The following IFT122 variants were observed in gnomAD, a reference collection of about 807,000 sequenced individuals.
IFT122 encodes intraflagellar transport protein 122 homolog.
A neutral mutation model predicts 161.6 loss-of-function variants in IFT122; 118 were observed. The ratio of observed to expected loss-of-function variants is 0.73; its 90% confidence interval spans 0.63 to 0.85. The LOEUF is 0.85. Ranked by LOEUF, IFT122 falls within the 40% of genes least tolerant of loss-of-function variation. The pLI is 0.00. For missense variants in IFT122, 1,381 were observed against 1,579.6 expected, an observed-to-expected ratio of 0.87 and a Z score of 2.13; for synonymous variants, 550 against 602.4, an observed-to-expected ratio of 0.91 and a Z score of 1.27.
chr3:129,465,465 CTTT>C lies in IFT122; in HGVS notation c.563+705_563+707del, dbSNP rs61439083. Among the ~76,000 whole-genome samples the C allele has an allele frequency of 5.9e-3, 600 of 101,166 alleles. 5 individuals carry two copies. Among genetic ancestry groups the C allele is most frequent in the South Asian group, 0.025 (75 of 3,030 alleles). 66.4% of individuals were successfully genotyped at this position (101,166 alleles called of 152,430 possible). A position where few individuals can be genotyped will look rare whatever the true frequency, so the allele number is the denominator to read the frequency against. On this transcript the variant is annotated intron_variant, in intron 7 of 29. Coordinates refer to ENST00000348417, the MANE Select transcript of IFT122 (RefSeq NM_052989.3). ...TTTGAGAGTAAACTAATTATATGCT[CTTT>C]TTTTTTTTTTTTTTTTTTTTGAGAT...
chr3:129,506,032 G>A lies in IFT122; in HGVS notation c.2651-377G>A, dbSNP rs556299164. 1.3e-3 allele frequency among the ~76,000 whole-genome samples: 205 copies of A among 152,294 alleles called. 2 individuals are homozygous for A. Among genetic ancestry groups the A allele is most frequent in the African/African-American group, 4.7e-3 (196 of 41,570 alleles). On this transcript the variant is annotated intron_variant, in intron 21 of 29. Coordinates refer to ENST00000348417, the MANE Select transcript of IFT122 (RefSeq NM_052989.3). ...TACCTCCAAGTGCAGTAAAGTGGCAGGTCCTGTTTCTATCACCTTAGGAGT... is the reference window on the plus strand; with the variant it reads ...TACCTCCAAGTGCAGTAAAGTGGCAAGTCCTGTTTCTATCACCTTAGGAGT...
At chr3:129,514,682 G>T in intron 25 of IFT122, 128 bp downstream of exon 25, 3 of 1,094,312 alleles carry the variant, frequency 2.7e-6, no homozygotes, top group Non-Finnish European at 4.1e-6. Context: ...TGTGCCCCCT[G>T]CTCAAGCCTG....
At chr3:129,482,674 C>T (rs2078812716) in intron 14 of IFT122, among the ~76,000 whole-genome samples, 1 of 152,154 alleles carries the variant, frequency 6.6e-6, no homozygotes, top group Non-Finnish European at 1.5e-5. Context: ...AAAGAGAGGG[C>T]ATAGCCTTCA....
intron 1 of IFT122, among the ~76,000 whole-genome samples, chr3:129,443,636 A>G (rs1312280895): frequency 6.6e-6 from 1 of 152,240 alleles, no homozygotes; most frequent in Non-Finnish European, 1.5e-5. Context: ...TATGTAGAAC[A>G]TGGCCATTGC....
At chr3:129,456,682 T>C (rs1237689611) in intron 3 of IFT122, among the ~76,000 whole-genome samples, 1 of 151,822 alleles carries the variant, frequency 6.6e-6, no homozygotes, top group Non-Finnish European at 1.5e-5. Context: ...CACAGCACTT[T>C]GGAAGGCGGA....
chr3:129,467,564 A>C (rs1024427232), intron 8 of IFT122, among the ~76,000 whole-genome samples: 2 of 152,146 alleles, frequency 1.3e-5, no homozygotes, highest in South Asian at 2.1e-4. Context: ...CTGTTCCCAC[A>C]CTATCCCTTA....
chr3:129,476,419 C>T lies in IFT122; in HGVS notation c.921C>T (p.Phe307=). Residue 307 remains phenylalanine (F), a synonymous_variant, in exon 10 of 30, where the codon TTC becomes TTT. Coordinates refer to ENST00000348417, the MANE Select transcript of IFT122 (RefSeq NM_052989.3). ...LGGSDKQVSL[F]TKDGVRLGTV... is the part of the protein sequence containing the mutation. ...GTTCAGACAAGCAAGTATCTCTTTT[C>T]ACCAAGGATGGAGTGCGGCTTGGGA... 1.2e-6 allele frequency: 2 copies of T among 1,614,152 alleles called. No homozygotes were observed. The highest frequency in any genetic ancestry group is 8.5e-7 in the Non-Finnish European group (1 of 1,180,030).
At chr3:129,505,793 A>G (rs2082132959) in intron 21 of IFT122, among the ~76,000 whole-genome samples, 1 of 152,206 alleles carries the variant, frequency 6.6e-6, no homozygotes, top group Non-Finnish European at 1.5e-5. Context: ...AATGGTTGTG[A>G]TAACTGAGGC....
chr3:129,441,994 G>A (rs986298047), intron 1 of IFT122, among the ~76,000 whole-genome samples: 5 of 152,138 alleles, frequency 3.3e-5, no homozygotes, highest in Non-Finnish European at 5.9e-5. Flanking sequence ...CCACCATGCA[G>A]GAATTTGGCC....
At chr3:129,456,159 A>G (rs1167856382) in intron 3 of IFT122, 2 of 915,362 alleles carry the variant, frequency 2.2e-6, no homozygotes, top group African/African-American at 1.7e-5. Context: ...GCAGCTGGTC[A>G]GTGAGATCTC....
At chr3:129,489,695 C>T (rs1329651125) in intron 16 of IFT122, among the ~76,000 whole-genome samples, 27 of 151,944 alleles carry the variant, frequency 1.8e-4, no homozygotes, top group East Asian at 5.8e-4. Context: ...AAAAATTAGC[C>T]GGGCATGGTG....
At chr3:129,452,036 C>T in intron 3 of IFT122, 38 bp downstream of exon 3, 2 of 1,377,260 alleles carry the variant, frequency 1.5e-6, no homozygotes, top group Non-Finnish European at 2.1e-6. Context: ...TCTATAATAG[C>T]CTCATCATTG....
intron 26 of IFT122, among the ~76,000 whole-genome samples, chr3:129,516,380 CAG>C (rs200703087): frequency 5.8e-5 from 8 of 137,392 alleles, no homozygotes; most frequent in Admixed American, 2.9e-4. Context: ...CACACACACA[CAG>C]AGACTGCTCC....
intron 1 of IFT122, among the ~76,000 whole-genome samples, chr3:129,448,252 A>G (rs1234484163): frequency 6.6e-6 from 1 of 152,250 alleles, no homozygotes; most frequent in Non-Finnish European, 1.5e-5. Flanking sequence ...GGTTACGAGT[A>G]GAAGTTTAAC....
rs1173930918 is a variant in IFT122 at position 129,519,557 on chromosome 3, C to T, written c.3472-11C>T. ...TGAGGACACTGTGCCTCCTTCCCGC[C>T]CACCCTGCAGCAAGGTGGCTCAGAG... On this transcript the variant is annotated splice_polypyrimidine_tract_variant and intron_variant, in intron 28 of 29. Coordinates refer to ENST00000348417, the MANE Select transcript of IFT122 (RefSeq NM_052989.3). 1.2e-6 allele frequency: 2 copies of T among 1,612,922 alleles called. No individual in the cohort carries two copies. Among genetic ancestry groups the T allele is most frequent in the Admixed American group, 3.3e-5 (2 of 60,022 alleles).
chr3:129,485,593 C>G (rs756909453), intron 15 of IFT122, among the ~76,000 whole-genome samples: 1 of 152,244 alleles, frequency 6.6e-6, no homozygotes, highest in Non-Finnish European at 1.5e-5. Context: ...ACCACATCCA[C>G]CAGGAACTCA....
chr3:129,500,748 G>A (rs1003168645), intron 19 of IFT122, among the ~76,000 whole-genome samples: 7 of 152,306 alleles, frequency 4.6e-5, no homozygotes, highest in African/African-American at 1.7e-4. Flanking sequence ...GTGGGAATGG[G>A]AGGGTGAAGG....
intron 3 of IFT122, among the ~76,000 whole-genome samples, chr3:129,458,205 T>C (rs2075764376): frequency 6.6e-6 from 1 of 152,234 alleles, no homozygotes; most frequent in Non-Finnish European, 1.5e-5. Context: ...AGTAAAAAAG[T>C]AAATCAGGTT....
chr3:129,469,378 G>GCTGT lies in IFT122; in HGVS notation c.777_778insCTGT (p.Gly260LeufsTer24). ...ATGACATCCTGGCTGTGGCTGACTG[G>GCTGT]GGACAGAAAGTTTCCTTCTACCAGC... On this transcript the variant is annotated frameshift_variant, in exon 9 of 30. Transcript: ENST00000348417. LOFTEE classifies it high-confidence loss of function. The GCTGT allele has an allele frequency of 1.9e-6, 3 of 1,614,032 alleles. No homozygotes were observed. Among genetic ancestry groups the GCTGT allele is most frequent in the Non-Finnish European group, 1.7e-6 (2 of 1,179,968 alleles).
Sources: gnomAD v4.1 joint callset for allele counts (sites outside exome capture counted in the v4.1 genomes callset) on GRCh38, gnomAD v4.1.1 for gene constraint, MANE v1.5 for transcripts, NCBI Gene and HGNC (gene_info 2026-07-23, HGNC 2026-07-21) for gene names.